The following YIPF1 variants were observed in gnomAD, a reference collection of about 807,000 sequenced individuals.
YIPF1 encodes the protein protein YIPF1.
YIPF1 carries 22 observed loss-of-function variants against 37.0 expected under a neutral mutation model. That is an observed-to-expected ratio of 0.59 (90% CI 0.42 to 0.85). The LOEUF (loss-of-function observed/expected upper bound fraction) is 0.85. YIPF1 is among the 40% of genes least tolerant of loss of function. The pLI, the probability that YIPF1 is intolerant of heterozygous loss-of-function variation, is 0.00. For missense variants in YIPF1, 355 were observed against 373.1 expected (o/e 0.95, Z 0.40); for synonymous variants, 128 against 131.9 (o/e 0.97, Z 0.21).
chr1:53,883,376 A>G (rs1162306785), intron 3 of YIPF1, 100 bp from the exon 4 acceptor site: 2 of 1,312,624 alleles, frequency 1.5e-6, no homozygotes, highest in East Asian at 2.9e-5. Flanking sequence ...CAGCTTTGCT[A>G]TAGACCCTAC....
intron 4 of YIPF1, among the ~76,000 whole-genome samples, chr1:53,879,819 C>A (rs994387276): frequency 3.9e-5 from 6 of 152,220 alleles, no homozygotes; most frequent in Admixed American, 3.9e-4. Flanking sequence ...GCACCTTCAA[C>A]TGAAATACCC....
intron 4 of YIPF1, among the ~76,000 whole-genome samples, chr1:53,879,354 A>C (rs1370873385): frequency 1.3e-5 from 2 of 152,102 alleles, no homozygotes; most frequent in Non-Finnish European, 2.9e-5. Context: ...TCAGCCTCCC[A>C]AAGCACGGGG....
intron 6 of YIPF1, among the ~76,000 whole-genome samples, chr1:53,871,774 T>C (rs574424051): frequency 8.7e-4 from 133 of 152,298 alleles, no homozygotes; most frequent in African/African-American, 3.2e-3. Flanking sequence ...GCTTCTTTTG[T>C]TGGAGGATCA....
At position 53,860,404 on chromosome 1, in the gene YIPF1, T is replaced by C. The variant is rs1172221777; in HGVS notation, c.832-251A>G. On this transcript the variant is annotated intron_variant, in intron 9 of 10. Coordinates refer to ENST00000072644, the MANE Select transcript of YIPF1 (RefSeq NM_018982.5). ...ACATGACTTACTCTTAATAACCCTA[T>C]GAGGTTGTTAGGATTATCCTCATTA... Among the ~76,000 whole-genome samples the C allele has an allele frequency of 2.0e-5, 3 of 152,328 alleles. No homozygotes were observed. The South Asian group carries it at 6.2e-4, about 32-fold the overall frequency.
chr1:53,884,491 T>C (rs7517900), intron 3 of YIPF1, among the ~76,000 whole-genome samples: 94,268 of 152,030 alleles, frequency 0.62, 29,834 homozygotes, highest in East Asian at 0.86. Context: ...TACACAAAAA[T>C]GATTTTTCAT....
chr1:53,886,731 A>G (rs973542049), intron 3 of YIPF1: 1 of 151,938 alleles, frequency 6.6e-6, no homozygotes, highest in Non-Finnish European at 1.5e-5. Flanking sequence ...CCTTTAGGAA[A>G]AAAATTAAAC....
intron 4 of YIPF1, among the ~76,000 whole-genome samples, chr1:53,880,064 A>AAGGGTATTCAAATAGGAAG (rs1372516529): frequency 6.6e-6 from 1 of 152,090 alleles, no homozygotes; most frequent in Admixed American, 6.5e-5. Flanking sequence ...GAAACAAATA[A>AAGGGTATTCAAATAGGAAG]AGGGTATTCA....
chr1:53,879,219 CA>C (rs1557609543), intron 4 of YIPF1, among the ~76,000 whole-genome samples: 1 of 151,974 alleles, frequency 6.6e-6, no homozygotes, highest in African/African-American at 2.4e-5. Flanking sequence ...CTCAGCTTCC[CA>C]AGCAGCTGGG....
At chr1:53,865,271 C>T (rs1260336968) in intron 9 of YIPF1, among the ~76,000 whole-genome samples, 2 of 152,098 alleles carry the variant, frequency 1.3e-5, no homozygotes, top group East Asian at 3.8e-4. Flanking sequence ...CATCCAAAAA[C>T]AGAATCCCCC....
intron 4 of YIPF1, among the ~76,000 whole-genome samples, chr1:53,879,239 C>G (rs548861636): frequency 3.9e-5 from 6 of 152,062 alleles, no homozygotes; most frequent in Non-Finnish European, 8.8e-5. Flanking sequence ...GGACTACACG[C>G]GTACACCACT....
intron 10 of YIPF1, among the ~76,000 whole-genome samples, chr1:53,854,176 C>T (rs953887337): frequency 7.2e-5 from 11 of 152,002 alleles, no homozygotes; most frequent in South Asian, 4.1e-4. Context: ...CACTTGAACC[C>T]GGGAGGTGGA....
At chr1:53,872,131 T>A (rs1252167191) in intron 6 of YIPF1, among the ~76,000 whole-genome samples, 2 of 151,474 alleles carry the variant, frequency 1.3e-5, no homozygotes, top group Non-Finnish European at 2.9e-5. Context: ...TTAAAAAAAG[T>A]AATATATGTA....
intron 3 of YIPF1, among the ~76,000 whole-genome samples, chr1:53,886,303 C>T (rs1238023067): frequency 6.6e-6 from 1 of 151,818 alleles, no homozygotes; most frequent in African/African-American, 2.4e-5. Context: ...GCTGCGTGTA[C>T]CCCTAACATG....
intron 7 of YIPF1, among the ~76,000 whole-genome samples, chr1:53,868,177 G>A (rs538728849): frequency 1.3e-5 from 2 of 152,312 alleles, no homozygotes; most frequent in African/African-American, 4.8e-5. Context: ...CTGATGTACT[G>A]CCTTTTTCTT....
chr1:53,864,572 TC>T (rs1649969017), intron 9 of YIPF1, among the ~76,000 whole-genome samples: 1 of 151,850 alleles, frequency 6.6e-6, no homozygotes, highest in Non-Finnish European at 1.5e-5. Context: ...ATGTTAAAGA[TC>T]AAATGATGCC....
Position 53,888,909 on chromosome 1 carries a change from T to C in YIPF1, c.29A>G (p.Glu10Gly). Residue 10 changes from glutamate to glycine, a missense_variant and splice_region_variant, in exon 3 of 11, where the codon GAA (glutamate) becomes GGA (glycine). By Grantham distance (98) the Glu-to-Gly change is moderately conservative (BLOSUM62 -2). Transcript: ENST00000072644. MAAVDDLQF[E>G]EFGNAATSLT... is the part of the protein sequence containing the mutation. ...AGGTGGGCACCCAACTGGTATACCT[T>C]CAAATTGCAAGTCATCTACTGCTGC... 1 of 1,591,490 alleles carries C rather than the reference T, an allele frequency of 6.3e-7. No homozygotes were observed. Among genetic ancestry groups the C allele is most frequent in the Non-Finnish European group, 8.6e-7 (1 of 1,161,526 alleles).
chr1:53,886,852 C>T (rs1455705384), intron 3 of YIPF1: 1 of 151,944 alleles, frequency 6.6e-6, no homozygotes, highest in African/African-American at 2.4e-5. Context: ...GAGATTTGAA[C>T]AGAGCAAAGA....
At chr1:53,885,804 A>T (rs1288621042) in intron 3 of YIPF1, among the ~76,000 whole-genome samples, 1 of 132,962 alleles carries the variant, frequency 7.5e-6, no homozygotes, top group African/African-American at 3.0e-5. Flanking sequence ...TGGGTGACAG[A>T]GCGAGACTCG....
chr1:53,855,744 T>C (rs1649703314), intron 10 of YIPF1, among the ~76,000 whole-genome samples: 1 of 152,224 alleles, frequency 6.6e-6, no homozygotes, highest in African/African-American at 2.4e-5. Flanking sequence ...TTTGTTTAAG[T>C]ATATTCTATG....
Sources: gnomAD v4.1 joint callset for allele counts (sites outside exome capture counted in the v4.1 genomes callset) on GRCh38, gnomAD v4.1.1 for gene constraint, MANE v1.5 for transcripts, NCBI Gene and HGNC (gene_info 2026-07-23, HGNC 2026-07-21) for gene names.